The following MATK variants were observed in gnomAD, a reference collection of about 807,000 sequenced individuals.
MATK encodes megakaryocyte-associated tyrosine kinase, also known as megakaryocyte-associated tyrosine-protein kinase.
A neutral mutation model predicts 59.8 loss-of-function variants in MATK; 41 were observed. The observed-to-expected ratio is 0.69, with a 90% confidence interval of 0.53 to 0.89. The LOEUF (loss-of-function observed/expected upper bound fraction) is 0.89, where lower values mean the gene tolerates loss of function less well. Ranked by LOEUF, MATK falls within the 40% of genes least tolerant of loss-of-function variation. The pLI is 0.00. For missense variants in MATK, 593 were observed against 719.6 expected, an observed-to-expected ratio of 0.82 and a Z score of 2.01; for synonymous variants, 308 against 306.1, an observed-to-expected ratio of 1.01 and a Z score of -0.06.
rs2037374235 is a variant in MATK at position 3,779,810 on chromosome 19, G to A, written c.743-13C>T. On this transcript the variant is annotated splice_polypyrimidine_tract_variant and intron_variant, in intron 8 of 13. Coordinates refer to ENST00000310132, the MANE Select transcript of MATK (RefSeq NM_139355.3). ...CCCTGCAGGACAGCTGGGGGGTGGGGGTGGGGAACGGGGTGAGATCAGGAC... is the reference window on the plus strand; with the variant it reads ...CCCTGCAGGACAGCTGGGGGGTGGGAGTGGGGAACGGGGTGAGATCAGGAC... 6.5e-7 allele frequency: 1 copy of A among 1,542,346 alleles called. No individual in the cohort carries two copies. The highest frequency in any genetic ancestry group is 9.0e-7 in the Non-Finnish European group (1 of 1,116,060).
upstream of MATK, chr19:3,789,306 A>G: frequency 1.3e-6 from 1 of 779,248 alleles, no homozygotes. Flanking sequence ...TCCCTCGCCG[A>G]GGTCTGCCTT....
chr19:3,800,177 A>C (rs1238860350), intron 1 of MATK, among the ~76,000 whole-genome samples: 1 of 152,124 alleles, frequency 6.6e-6, no homozygotes, highest in Non-Finnish European at 1.5e-5. Context: ...AAAAAGAAAA[A>C]TAAAATGTGT....
In MATK at chr19:3,783,120, C is replaced by T; in HGVS notation, c.676+6G>A. ...AAGGGGGTCTGCCCTCCTGGGCGTC[C>T]CCTACCCCTGGCCAGCTCCTCCTCG... On this transcript the variant is annotated splice_donor_region_variant and intron_variant, in intron 7 of 13. Transcript: ENST00000310132. The T allele has an allele frequency of 6.2e-7, 1 of 1,613,766 alleles. No homozygotes were observed. Among genetic ancestry groups the T allele is most frequent in the South Asian group, 1.1e-5 (1 of 91,090 alleles).
rs1333169664 is a variant in MATK at position 3,779,636 on chromosome 19, G to A, written c.843-19C>T. 1 of 1,611,500 alleles carries A rather than the reference G, an allele frequency of 6.2e-7. No homozygotes were observed. The highest frequency in any genetic ancestry group is 8.5e-7 in the Non-Finnish European group (1 of 1,179,404). On this transcript the variant is annotated intron_variant, in intron 9 of 13. Transcript: ENST00000310132. ...CATCTTCCTGGGGGCGGTGGGGTGG[G>A]CGTGAGGGCAGGGCTGGGACCCCCC...
Position 3,778,368 on chromosome 19 carries a change from C to CG in MATK, c.1338dup (p.Glu447ArgfsTer108), listed in dbSNP as rs765057557. 3.1e-6 allele frequency: 5 copies of CG among 1,606,738 alleles called. No individual in the cohort carries two copies. The highest frequency in any genetic ancestry group is 4.2e-6 in the Non-Finnish European group (5 of 1,177,206). On this transcript the variant is annotated frameshift_variant, in exon 14 of 14. Coordinates refer to ENST00000310132, the MANE Select transcript of MATK (RefSeq NM_139355.3). LOFTEE classifies it low-confidence loss of function (END_TRUNC). ...ACGTGCACGGGGCCTGGACAGCCCTCGGGGGGTTCCATGCGGTACCCCTTC... is the reference window on the plus strand; with the variant it reads ...ACGTGCACGGGGCCTGGACAGCCCTCGGGGGGGTTCCATGCGGTACCCCTTC...
upstream of MATK, chr19:3,789,549 A>C (rs1368417561): frequency 2.0e-6 from 1 of 498,836 alleles, no homozygotes; most frequent in Non-Finnish European, 3.6e-6. Context: ...TTGGGTTCGC[A>C]AATTGTCAAG....
In MATK at chr19:3,783,823, G is replaced by A. The variant is rs763245476; in HGVS notation, c.573C>T (p.Asp191=). The change falls in exon 6 of 14, where the codon GAC becomes GAT. Residue 191 remains aspartate (D), a synonymous_variant. Transcript: ENST00000310132. ...CTCTGGGTGGCAGCACCTCCACCATGTCCATGAGGTTGCAGAAGAACACGG... is the reference window on the plus strand; with the variant it reads ...CTCTGGGTGGCAGCACCTCCACCATATCCATGAGGTTGCAGAAGAACACGG... ...DEAVFFCNLM[D]MVEHYSKDKG... 17 of 1,611,606 alleles carry A rather than the reference G, an allele frequency of 1.1e-5. No individual in the cohort carries two copies. The highest frequency in any genetic ancestry group is 1.4e-5 in the Non-Finnish European group (17 of 1,178,780).
intron 12 of MATK, 136 bp downstream of exon 12, chr19:3,778,856 T>C: frequency 1.0e-6 from 1 of 983,432 alleles, no homozygotes; most frequent in Non-Finnish European, 1.5e-6. Flanking sequence ...CGAGGAACAA[T>C]TATGGGCCAA....
Position 3,781,630 on chromosome 19 carries a change from T to C in MATK, c.719A>G (p.Gln240Arg). 2 of 1,613,962 alleles carry C rather than the reference T, an allele frequency of 1.2e-6. No individual in the cohort carries two copies. Among genetic ancestry groups the C allele is most frequent in the Non-Finnish European group, 1.7e-6 (2 of 1,179,954 alleles). The part of the protein sequence containing the change: ...LNLQHLTLGA[Q>R]IGEGEFGAVL... ...ACCTCCAAACTCTCCCTCTCCGATC[T>C]GTGCTCCCAATGTCAAATGCTGCAG... The change falls in exon 8 of 14, where the codon CAG becomes CGG. Residue 240 changes from glutamine to arginine, a missense_variant. Coordinates refer to ENST00000310132, the MANE Select transcript of MATK (RefSeq NM_139355.3).
intron 1 of MATK, among the ~76,000 whole-genome samples, chr19:3,797,591 C>T (rs2037607828): frequency 6.6e-6 from 1 of 151,982 alleles, no homozygotes; most frequent in Non-Finnish European, 1.5e-5. Flanking sequence ...CAGTGACTGT[C>T]AGAGTTTTAA....
At chr19:3,792,243 G>T (rs2037549696) in intron 1 of MATK, among the ~76,000 whole-genome samples, 1 of 152,132 alleles carries the variant, frequency 6.6e-6, no homozygotes, top group Non-Finnish European at 1.5e-5. Flanking sequence ...ACTTCTCTAA[G>T]GCAGGGCACG....
intron 1 of MATK, among the ~76,000 whole-genome samples, chr19:3,794,537 C>A (rs530616557): frequency 6.6e-6 from 1 of 152,074 alleles, no homozygotes. Flanking sequence ...TGCCTGTAGT[C>A]CCAGCCACTC....
At chr19:3,797,840 G>A (rs183126016) in intron 1 of MATK, among the ~76,000 whole-genome samples, 5 of 152,118 alleles carry the variant, frequency 3.3e-5, no homozygotes, top group African/African-American at 7.2e-5. Context: ...TCAGGAGTTC[G>A]AGACCAGGCT....
upstream of MATK, chr19:3,789,448 A>G (rs2037519645): frequency 6.8e-6 from 4 of 589,842 alleles, no homozygotes; most frequent in South Asian, 8.2e-5. Context: ...GAGGAGCCCC[A>G]GGGCTCCGGG....
upstream of MATK, chr19:3,786,481 C>A (rs1257651709): frequency 1.2e-6 from 1 of 815,220 alleles, no homozygotes; most frequent in Non-Finnish European, 1.5e-6. The surrounding 1 kb of genome is among the most constrained non-coding windows in gnomAD (Gnocchi z 4.1). Flanking sequence ...TCCCGGGGCG[C>A]ACGCGGGCTC....
chr19:3,779,563 C>T lies in MATK; in HGVS notation c.897G>A (p.Gly299=), dbSNP rs1287832049. 6.2e-7 allele frequency: 1 copy of T among 1,611,884 alleles called. No individual in the cohort carries two copies. The highest frequency in any genetic ancestry group is 2.2e-5 in the East Asian group (1 of 44,812). ...VRLLGVILHQ[G]LYIVMEHVSK... ...TCACGTGCTCCATGACAATGTACAG[C>T]CCCTGGTGCAGGATCACGCCCAGGA... Residue 299 remains glycine (G), a synonymous_variant, in exon 10 of 14, where the codon GGG becomes GGA. Coordinates refer to ENST00000310132, the MANE Select transcript of MATK (RefSeq NM_139355.3).
chr19:3,789,254 C>T (rs368083511), upstream of MATK: 12 of 772,062 alleles, frequency 1.6e-5, no homozygotes, highest in South Asian at 5.4e-5. Flanking sequence ...AAAACCCAGC[C>T]GCCTAATTTG....
chr19:3,781,046 A>G (rs7251543), intron 8 of MATK, among the ~76,000 whole-genome samples: 76,045 of 152,008 alleles, frequency 0.5, 19,747 homozygotes, highest in South Asian at 0.63. Context: ...GCATGTTTAA[A>G]TGGTTGTAAA....
chr19:3,778,175 G>C lies in MATK; in HGVS notation c.*8C>G. 2 of 1,549,030 alleles carry C rather than the reference G, an allele frequency of 1.3e-6. No individual in the cohort carries two copies. Among genetic ancestry groups the C allele is most frequent in the Non-Finnish European group, 1.7e-6 (2 of 1,152,822 alleles). ...GTCCTCTGGGGCCAAGGGCCCCACC[G>C]GGTGGGGTCAGGGCTCCTGGCTTCG... On this transcript the variant is annotated 3_prime_UTR_variant, in exon 14 of 14. Coordinates refer to ENST00000310132, the MANE Select transcript of MATK (RefSeq NM_139355.3).
Sources: gnomAD v4.1 joint callset for allele counts (sites outside exome capture counted in the v4.1 genomes callset) on GRCh38, gnomAD v4.1.1 for gene constraint, Gnocchi (gnomAD v3.1) non-coding constraint, MANE v1.5 for transcripts, NCBI Gene and HGNC (gene_info 2026-07-23, HGNC 2026-07-21) for gene names.